Variants in GATC observed in about 807,000 individuals in gnomAD.
The protein encoded by GATC is glutamyl-tRNA(Gln) amidotransferase subunit C, mitochondrial.
GATC carries 11 observed loss-of-function variants against 14.4 expected under a neutral mutation model. The ratio of observed to expected loss-of-function variants is 0.77; its 90% CI spans 0.48 to 1.27. The LOEUF is 1.27. Among genes scored for constraint, GATC ranks in the 50% most tolerant of loss-of-function variants. The pLI is 0.00. For synonymous variants in GATC, 76 were observed against 79.3 expected, an observed-to-expected ratio of 0.96 and a Z score of 0.22; for missense variants, 204 against 183.0, an observed-to-expected ratio of 1.11 and a Z score of -0.66.
intron 2 of GATC, 29 bp from the exon 3 acceptor site, chr12:120,457,047 G>A: frequency 6.7e-7 from 1 of 1,493,634 alleles, no homozygotes; most frequent in Non-Finnish European, 9.3e-7. Flanking sequence ...TTCTCTGAGA[G>A]GGTAACCTTG....
In GATC at chr12:120,461,664, CAT is replaced by C. The variant is rs977927741; in HGVS notation, c.*1706_*1707del. 6.9e-5 allele frequency: 11 copies of C among 159,194 alleles called. No individual in the cohort carries two copies. Among genetic ancestry groups the C allele is most frequent in the African/African-American group, 1.4e-4 (6 of 41,626 alleles). 9.9% of individuals were successfully genotyped at this position (159,194 alleles called of 1,614,324 possible). ...GTGAACTTAATCAAGGACAACCACACATGTCAATTACTAAACATTTAAAATAT... is the reference window on the plus strand; with the variant it reads ...GTGAACTTAATCAAGGACAACCACACGTCAATTACTAAACATTTAAAATAT... On this transcript the variant is annotated 3_prime_UTR_variant, in exon 4 of 4. Coordinates refer to ENST00000551765, the MANE Select transcript of GATC (RefSeq NM_176818.3).
intron 2 of GATC, 145 bp downstream of exon 2, chr12:120,446,974 G>C: frequency 1.4e-6 from 1 of 715,074 alleles, no homozygotes; most frequent in East Asian, 2.9e-5. Context: ...CGAGTCAGTG[G>C]CTTCACTCTT....
In GATC at chr12:120,457,160, G is replaced by A. The variant is rs778357680; in HGVS notation, c.339G>A (p.Glu113=). 3.7e-6 allele frequency: 6 copies of A among 1,612,378 alleles called. No individual in the cohort carries two copies. In the South Asian group the frequency reaches 4.4e-5, roughly 12 times the overall value. Residue 113 remains glutamate, a synonymous_variant, in exon 3 of 4, where the codon GAG becomes GAA. Coordinates refer to ENST00000551765, the MANE Select transcript of GATC (RefSeq NM_176818.3). ...LLQNSHRVVE[E]YFVAPPGNIS... ...AAAACTCCCATCGCGTCGTGGAGGAGTACTTTGTGGCCCCCCCAGGTACGT... is the reference window on the plus strand; with the variant it reads ...AAAACTCCCATCGCGTCGTGGAGGAATACTTTGTGGCCCCCCCAGGTACGT...
intron 3 of GATC, among the ~76,000 whole-genome samples, chr12:120,459,377 T>C (rs1317803040): frequency 6.6e-6 from 1 of 152,224 alleles, no homozygotes; most frequent in Non-Finnish European, 1.5e-5. Context: ...ATCTGCATAT[T>C]AGTGGCTAAT....
chr12:120,462,267 T>G lies in GATC; in HGVS notation c.*2308T>G. On this transcript the variant is annotated 3_prime_UTR_variant, in exon 4 of 4. Transcript: ENST00000551765. ...TAATAGTTAAGTATTGAGCACTTAC[T>G]GTGTACTCTGTGCCTGGCATGAGGC... 8.2e-7 allele frequency: 1 copy of G among 1,221,824 alleles called. No homozygotes were observed. Among genetic ancestry groups the G allele is most frequent in the South Asian group, 1.6e-5 (1 of 64,418 alleles). 75.7% of individuals were successfully genotyped at this position (1,221,824 alleles called of 1,614,324 possible).
chr12:120,448,331 G>GTTTT (rs34872230), intron 2 of GATC, among the ~76,000 whole-genome samples: 3 of 140,842 alleles, frequency 2.1e-5, no homozygotes. Context: ...CCTCAAGAAA[G>GTTTT]TTTTTTTTTT....
intron 2 of GATC, among the ~76,000 whole-genome samples, chr12:120,456,825 T>C (rs539916737): frequency 6.6e-6 from 1 of 152,344 alleles, no homozygotes; most frequent in Non-Finnish European, 1.5e-5. Context: ...GTTGCCCATA[T>C]AATCATCAAA....
intron 2 of GATC, among the ~76,000 whole-genome samples, chr12:120,451,788 A>G (rs1878053192): frequency 6.6e-6 from 1 of 151,968 alleles, no homozygotes; most frequent in Admixed American, 6.6e-5. Flanking sequence ...GGCTAATAGA[A>G]ACCCCTTTGC....
chr12:120,451,724 A>G (rs1165532323), intron 2 of GATC, among the ~76,000 whole-genome samples: 1 of 151,852 alleles, frequency 6.6e-6, no homozygotes, highest in Non-Finnish European at 1.5e-5. Context: ...CCTGGGCAAC[A>G]GAGCAAGACT....
rs549243197 is a variant in GATC, at chr12:120,457,700, G to A, written c.358+521G>A. 3.4e-5 allele frequency among the ~76,000 whole-genome samples: 5 copies of A among 148,582 alleles called. No homozygotes were observed. In the South Asian group the frequency reaches 6.4e-4, roughly 19 times the overall value. On this transcript the variant is annotated intron_variant, in intron 3 of 3. Coordinates refer to ENST00000551765, the MANE Select transcript of GATC (RefSeq NM_176818.3). ...CGGCTCACCGCAACCTCCACCTCCC[G>A]GGTTCAAGCGATTCTCCTGCTCAGG...
chr12:120,450,911 G>C (rs1178731479), intron 2 of GATC: 1 of 152,156 alleles, frequency 6.6e-6, no homozygotes, highest in East Asian at 1.9e-4. Context: ...GGAGGCCGAG[G>C]CAGGCAGATC....
chr12:120,453,507 C>T (rs558730945), intron 2 of GATC, among the ~76,000 whole-genome samples: 25 of 152,174 alleles, frequency 1.6e-4, no homozygotes, highest in African/African-American at 5.8e-4. Flanking sequence ...TCTTACAGAA[C>T]CCTGATTGGG....
At chr12:120,454,926 C>G in intron 2 of GATC, 1 of 401,712 alleles carries the variant, frequency 2.5e-6, no homozygotes, top group Non-Finnish European at 5.2e-6. Context: ...CTCACTCTGT[C>G]ACCCAGGTTG....
At position 120,463,642 on chromosome 12, in the gene GATC, G is replaced by A. The variant is rs1878415732; in HGVS notation, c.*3683G>A. ...TGCCATTTAAGCTGGTTGTGAATGG[G>A]GTGGTATGAAGACCGACTGCACTAG... On this transcript the variant is annotated 3_prime_UTR_variant, in exon 4 of 4. Coordinates refer to ENST00000551765, the MANE Select transcript of GATC (RefSeq NM_176818.3). 4.8e-6 allele frequency: 1 copy of A among 206,434 alleles called. No individual in the cohort carries two copies. The highest frequency in any genetic ancestry group is 5.5e-5 in the Admixed American group (1 of 18,130). 12.8% of individuals were successfully genotyped at this position (206,434 alleles called of 1,614,324 possible). A position where few individuals can be genotyped will look rare whatever the true frequency, so the allele number is the denominator to read the frequency against.
rs148751549 is a variant in GATC at position 120,463,656 on chromosome 12, C to T, written c.*3697C>T. On this transcript the variant is annotated 3_prime_UTR_variant, in exon 4 of 4. Coordinates refer to ENST00000551765, the MANE Select transcript of GATC (RefSeq NM_176818.3). ...GTTGTGAATGGGGTGGTATGAAGAC[C>T]GACTGCACTAGTATTCTCTCCAGGT... The T allele has an allele frequency of 1.3e-3, 299 of 233,326 alleles. 1 individual carries two copies. Among genetic ancestry groups the T allele is most frequent in the African/African-American group, 6.2e-3 (274 of 44,322 alleles). 14.5% of individuals were successfully genotyped at this position (233,326 alleles called of 1,614,324 possible).
chr12:120,463,731 A>T lies in GATC; in HGVS notation c.*3772A>T, dbSNP rs1232539288. 2 of 497,014 alleles carry T rather than the reference A, an allele frequency of 4.0e-6. No individual in the cohort carries two copies. Among genetic ancestry groups the T allele is most frequent in the Non-Finnish European group, 7.1e-6 (2 of 283,070 alleles). The allele number at this position is 497,014 out of a possible 1,614,324, so 30.8% of individuals were successfully genotyped here. On this transcript the variant is annotated 3_prime_UTR_variant, in exon 4 of 4. Transcript: ENST00000551765. ...TAATGTGATACTAATATGCAGAATA[A>T]AGCATATTAAAAAACAAACGTACCA...
At chr12:120,455,054 A>ATT in intron 2 of GATC, 2 of 416,804 alleles carry the variant, frequency 4.8e-6, no homozygotes, top group Admixed American at 2.6e-5. Context: ...TGCCCGGCTA[A>ATT]CTTTTATATT....
chr12:120,446,460 C>CG lies in GATC; in HGVS notation c.-16dup. 6.2e-7 allele frequency: 1 copy of CG among 1,604,364 alleles called. No individual in the cohort carries two copies. Among genetic ancestry groups the CG allele is most frequent in the Non-Finnish European group, 8.5e-7 (1 of 1,173,388 alleles). On this transcript the variant is annotated 5_prime_UTR_variant, in exon 1 of 4. Transcript: ENST00000551765. ...CTCGGCGTTACGCGCGGGCGCACTG[C>CG]GGGGGCCAAGGAAGGAAGAAATGTG...
rs1877870906 is a variant in GATC at position 120,446,568 on chromosome 12, G to A, written c.81+7G>A. 2.5e-6 allele frequency: 4 copies of A among 1,596,574 alleles called. No individual in the cohort carries two copies. The highest frequency in any genetic ancestry group is 1.3e-5 in the African/African-American group (1 of 74,686). ...CTCCAAGGCGGATCCTCAGGTAAAG[G>A]CCAGGGCCATCTAGGCGGGTGGCGG... On this transcript the variant is annotated splice_region_variant and intron_variant, in intron 1 of 3. Coordinates refer to ENST00000551765, the MANE Select transcript of GATC (RefSeq NM_176818.3).
Sources: gnomAD v4.1 joint callset for allele counts (sites outside exome capture counted in the v4.1 genomes callset) on GRCh38, gnomAD v4.1.1 for gene constraint, MANE v1.5 for transcripts, NCBI Gene and HGNC (gene_info 2026-07-23, HGNC 2026-07-21) for gene names.